LRP1B: variants seen among roughly 807,000 people sequenced by gnomAD.
The protein encoded by LRP1B is LDL receptor related protein 1B.
A neutral mutation model predicts 556.6 loss-of-function variants in LRP1B; 217 were observed. That is an observed-to-expected ratio of 0.39 (90% CI 0.35 to 0.44). LRP1B has a LOEUF of 0.44. Among genes scored for constraint, LRP1B ranks in the 20% least tolerant of loss-of-function variants. LRP1B has a pLI of 1.00. For missense variants in LRP1B, 5,053 were observed against 5,620.8 expected (o/e 0.90, Z 3.23); for synonymous variants, 2,047 against 1,865.8 (o/e 1.10, Z -2.50).
At chr2:140,965,517 T>A (rs889557793) in intron 18 of LRP1B, among the ~76,000 whole-genome samples, 1 of 150,194 alleles carries the variant, frequency 6.7e-6, no homozygotes, top group African/African-American at 2.4e-5. Flanking sequence ...ATAATAGTTA[T>A]ATAAAATTTT....
intron 2 of LRP1B, among the ~76,000 whole-genome samples, chr2:141,629,470 G>A (rs939544946): frequency 6.6e-6 from 1 of 152,108 alleles, no homozygotes; most frequent in African/African-American, 2.4e-5. Context: ...AGGGTCACTT[G>A]TATCCTGACC....
At chr2:140,946,775 A>G (rs1017079275) in intron 20 of LRP1B, among the ~76,000 whole-genome samples, 1 of 152,204 alleles carries the variant, frequency 6.6e-6, no homozygotes, top group African/African-American at 2.4e-5. Flanking sequence ...GAATCAACTT[A>G]GGTTGATTCA....
intron 6 of LRP1B, among the ~76,000 whole-genome samples, chr2:141,192,411 A>G (rs1393843442): frequency 2.6e-5 from 4 of 151,940 alleles, no homozygotes; most frequent in Admixed American, 2.0e-4. Context: ...TTCCTAAAGT[A>G]TTGAGTATTT....
intron 15 of LRP1B, among the ~76,000 whole-genome samples, chr2:141,004,021 T>C (rs1697499571): frequency 1.3e-5 from 2 of 152,098 alleles, no homozygotes; most frequent in South Asian, 4.1e-4. Context: ...AAATCTTAAA[T>C]ATCTTTTGAA....
chr2:140,975,875 A>G (rs1182161402), intron 18 of LRP1B, among the ~76,000 whole-genome samples: 29 of 152,186 alleles, frequency 1.9e-4, no homozygotes, highest in Non-Finnish European at 8.8e-5. Flanking sequence ...TAAAAATTCC[A>G]TTTTGATAGC....
chr2:140,325,521 T>G (rs1342062796), intron 80 of LRP1B, among the ~76,000 whole-genome samples: 1 of 152,120 alleles, frequency 6.6e-6, no homozygotes, highest in Non-Finnish European at 1.5e-5. Context: ...GAAATTATTT[T>G]CTGAATCTGG....
intron 84 of LRP1B, among the ~76,000 whole-genome samples, chr2:140,288,987 G>A (rs1683269427): frequency 6.6e-6 from 1 of 151,884 alleles, no homozygotes; most frequent in Non-Finnish European, 1.5e-5. Flanking sequence ...GAAGCATTGT[G>A]AGATTAGAGT....
intron 1 of LRP1B, among the ~76,000 whole-genome samples, chr2:142,096,487 A>G (rs1553516740): frequency 6.6e-6 from 1 of 151,236 alleles, no homozygotes; most frequent in Admixed American, 6.6e-5. Flanking sequence ...TATTAATTAT[A>G]ACTATAGGCA....
chr2:141,680,643 G>C (rs1268643414), intron 2 of LRP1B, among the ~76,000 whole-genome samples: 2 of 152,118 alleles, frequency 1.3e-5, no homozygotes, highest in Non-Finnish European at 2.9e-5. Flanking sequence ...CACAAAAATA[G>C]AGGGAACAGA....
chr2:141,241,464 G>A (rs1683875567), intron 5 of LRP1B, among the ~76,000 whole-genome samples: 1 of 152,040 alleles, frequency 6.6e-6, no homozygotes, highest in Non-Finnish European at 1.5e-5. Context: ...ACACACTTAT[G>A]TAGATCATAC....
intron 2 of LRP1B, among the ~76,000 whole-genome samples, chr2:141,641,236 A>C (rs1353678388): frequency 6.6e-6 from 1 of 152,152 alleles, no homozygotes; most frequent in Non-Finnish European, 1.5e-5. Context: ...AAGTGCCAGC[A>C]ATGATAATTG....
At chr2:141,472,713 T>C (rs1559090411) in intron 3 of LRP1B, among the ~76,000 whole-genome samples, 2 of 152,174 alleles carry the variant, frequency 1.3e-5, no homozygotes, top group Admixed American at 6.5e-5. Context: ...GAGGGACAGA[T>C]ACAGAATCTG....
intron 41 of LRP1B, among the ~76,000 whole-genome samples, chr2:140,611,441 C>T (rs990685642): frequency 1.3e-5 from 2 of 151,650 alleles, no homozygotes; most frequent in Non-Finnish European, 2.9e-5. Flanking sequence ...GATAGAGAAA[C>T]AGAGGGAAGA....
At chr2:141,884,276 T>C (rs1033843907) in intron 1 of LRP1B, among the ~76,000 whole-genome samples, 3 of 152,132 alleles carry the variant, frequency 2.0e-5, no homozygotes, top group African/African-American at 7.2e-5. Flanking sequence ...CTTGCAAGGC[T>C]GAGGCGGTAG....
At chr2:141,740,555 A>T (rs190364232) in intron 2 of LRP1B, among the ~76,000 whole-genome samples, 3 of 152,322 alleles carry the variant, frequency 2.0e-5, no homozygotes, top group African/African-American at 4.8e-5. Flanking sequence ...CAGGGCATCC[A>T]TTACCTCAAG....
At chr2:141,285,367 G>A (rs1056217399) in intron 3 of LRP1B, among the ~76,000 whole-genome samples, 2 of 151,402 alleles carry the variant, frequency 1.3e-5, no homozygotes, top group Admixed American at 6.6e-5. Flanking sequence ...GATTACAGGC[G>A]TGAGCTACCA....
rs151239358 is a variant in LRP1B at position 141,795,664 on chromosome 2, T to C, written c.205+14615A>G. 4.3e-4 allele frequency among the ~76,000 whole-genome samples: 66 copies of C among 151,826 alleles called. 2 individuals carry two copies. Among genetic ancestry groups the C allele is most frequent in the African/African-American group, 1.5e-3 (63 of 41,462 alleles). ...AAGATGTAAGCCAAGGGGATGTCAATTCCAGTCACGGTTCTGATGTTTATT... is the reference window on the plus strand; with the variant it reads ...AAGATGTAAGCCAAGGGGATGTCAACTCCAGTCACGGTTCTGATGTTTATT... On this transcript the variant is annotated intron_variant, in intron 2 of 90. Coordinates refer to ENST00000389484, the MANE Select transcript of LRP1B (RefSeq NM_018557.3).
intron 56 of LRP1B, 30 bp downstream of exon 56, chr2:140,495,535 T>C (rs1688885701): frequency 6.4e-7 from 1 of 1,553,366 alleles, no homozygotes; most frequent in Non-Finnish European, 8.8e-7. Flanking sequence ...ATAACTGAGG[T>C]TGGATCAGTG....
At chr2:140,935,666 C>T (rs368609497) in intron 20 of LRP1B, among the ~76,000 whole-genome samples, 1 of 151,914 alleles carries the variant, frequency 6.6e-6, no homozygotes, top group East Asian at 1.9e-4. Context: ...GAAGCTCAAC[C>T]ATCCCCAAGT....
Sources: gnomAD v4.1 joint callset for allele counts (sites outside exome capture counted in the v4.1 genomes callset) on GRCh38, gnomAD v4.1.1 for gene constraint, MANE v1.5 for transcripts, NCBI Gene and HGNC (gene_info 2026-07-23, HGNC 2026-07-21) for gene names.